Variants in ZBTB49 observed in about 807,000 individuals in gnomAD.
ZBTB49 encodes zinc finger and BTB domain containing 49, also known as zinc finger and BTB domain-containing protein 49.
A neutral mutation model predicts 57.5 loss-of-function variants in ZBTB49; 43 were observed. The ratio of observed to expected loss-of-function variants is 0.75; its 90% CI spans 0.59 to 0.97. The LOEUF (loss-of-function observed/expected upper bound fraction) is 0.97. Ranked by LOEUF, ZBTB49 falls within the 50% of genes least tolerant of loss-of-function variation. The pLI is 0.00. For synonymous variants in ZBTB49, 369 were observed against 362.1 expected (o/e 1.02, Z -0.22); for missense variants, 938 against 947.7 (o/e 0.99, Z 0.13).
chr4:4,316,993 G>A (rs1721218973), intron 7 of ZBTB49, among the ~76,000 whole-genome samples: 1 of 152,220 alleles, frequency 6.6e-6, no homozygotes, highest in Non-Finnish European at 1.5e-5. Context: ...AGCCGAGATT[G>A]CACCACTGCC....
chr4:4,315,583 G>T, intron 5 of ZBTB49, 53 bp from the exon 6 acceptor site: 1 of 1,555,372 alleles, frequency 6.4e-7, no homozygotes, highest in Non-Finnish European at 8.8e-7. Context: ...CAGTTATAAA[G>T]ACCCACAGTA....
At chr4:4,311,158 C>T (rs533669769) in intron 4 of ZBTB49, among the ~76,000 whole-genome samples, 3 of 152,266 alleles carry the variant, frequency 2.0e-5, no homozygotes, top group African/African-American at 7.2e-5. Context: ...TTTTCTACCA[C>T]TTAAAATATT....
At position 4,302,217 on chromosome 4, in the gene ZBTB49, C is replaced by A; in HGVS notation, c.381C>A (p.Gly127=). 6.2e-7 allele frequency: 1 copy of A among 1,614,256 alleles called. No homozygotes were observed. The highest frequency in any genetic ancestry group is 8.5e-7 in the Non-Finnish European group (1 of 1,180,052). ...LKSATVVQPP[G]MPCNSTLSLQ... The stretch of plus-strand genomic sequence containing the variant: ...CAGCCACTGTAGTACAGCCACCTGG[C>A]ATGCCTTGTAATAGTACATTGTCTC... The change falls in exon 3 of 8, where the codon GGC becomes GGA. Residue 127 remains glycine (G), a synonymous_variant. Coordinates refer to ENST00000337872, the MANE Select transcript of ZBTB49 (RefSeq NM_145291.4).
chr4:4,307,026 C>T (rs1355088879), intron 4 of ZBTB49, among the ~76,000 whole-genome samples: 1 of 152,266 alleles, frequency 6.6e-6, no homozygotes, highest in African/African-American at 2.4e-5. Flanking sequence ...CCCCCTAGAG[C>T]AGACTCTTCC....
rs1425476552 is a variant in ZBTB49, at chr4:4,320,885, G to A, written c.1867G>A (p.Val623Met). Residue 623 changes from valine (V) to methionine (M), a missense_variant, in exon 8 of 8, where the codon GTG becomes ATG. By Grantham distance (21) the Val-to-Met change is conservative. Coordinates refer to ENST00000337872, the MANE Select transcript of ZBTB49 (RefSeq NM_145291.4). ...SSDSFSQDTS[V>M]TLMPVSVKLP... Reference sequence around the variant, plus strand: ...AGACTCTTTCTCCCAAGACACGTCTGTGACGCTGATGCCAGTGTCGGTTAA... The same window carrying A: ...AGACTCTTTCTCCCAAGACACGTCTATGACGCTGATGCCAGTGTCGGTTAA... 2 of 1,614,122 alleles carry A rather than the reference G, an allele frequency of 1.2e-6. No individual in the cohort carries two copies. Among genetic ancestry groups the A allele is most frequent in the Non-Finnish European group, 1.7e-6 (2 of 1,180,040 alleles).
chr4:4,300,292 C>T (rs1720419527), intron 2 of ZBTB49, among the ~76,000 whole-genome samples, 195 bp downstream of exon 2: 1 of 152,032 alleles, frequency 6.6e-6, no homozygotes, highest in Non-Finnish European at 1.5e-5. Flanking sequence ...TTAGAGTAAC[C>T]TGAAAAGAAA....
chr4:4,295,620 T>G (rs1282932930), intron 1 of ZBTB49, among the ~76,000 whole-genome samples: 1 of 152,246 alleles, frequency 6.6e-6, no homozygotes, highest in Admixed American at 6.5e-5. Flanking sequence ...GTTACTAGCC[T>G]TGAGGATTCA....
At chr4:4,301,785 A>G (rs1720482962) in intron 2 of ZBTB49, among the ~76,000 whole-genome samples, 1 of 151,316 alleles carries the variant, frequency 6.6e-6, no homozygotes, top group Middle Eastern at 3.2e-3. Context: ...AAGTCTGCAT[A>G]CCCAATCCAC....
intron 5 of ZBTB49, among the ~76,000 whole-genome samples, chr4:4,314,742 G>C (rs1006636249): frequency 6.6e-6 from 1 of 152,228 alleles, no homozygotes; most frequent in African/African-American, 2.4e-5. Flanking sequence ...GCTATCAAGC[G>C]TAGTGGAAAG....
intron 4 of ZBTB49, among the ~76,000 whole-genome samples, chr4:4,308,720 G>T (rs1720850491): frequency 6.6e-6 from 1 of 152,194 alleles, no homozygotes; most frequent in Non-Finnish European, 1.5e-5. Flanking sequence ...GACAGAAATG[G>T]CCATGGCCTC....
intron 2 of ZBTB49, among the ~76,000 whole-genome samples, chr4:4,300,353 T>G (rs1387310433): frequency 6.6e-6 from 1 of 152,214 alleles, no homozygotes; most frequent in East Asian, 1.9e-4. Context: ...ATTTTGGTTG[T>G]TTGTCTTTCA....
Position 4,302,453 on chromosome 4 carries a change from C to T in ZBTB49, c.617C>T (p.Pro206Leu). 1 of 1,614,208 alleles carries T rather than the reference C, an allele frequency of 6.2e-7. No homozygotes were observed. The highest frequency in any genetic ancestry group is 1.3e-5 in the African/African-American group (1 of 75,054). The part of the protein sequence containing the change: ...DTSDGSCTEL[P>L]FKQPNYYYKL... Reference sequence around the variant, plus strand: ...TCAGATGGCAGCTGCACAGAACTGCCTTTCAAACAGCCAAATTACTATTAC... The same window carrying T: ...TCAGATGGCAGCTGCACAGAACTGCTTTTCAAACAGCCAAATTACTATTAC... The change falls in exon 3 of 8, where the codon CCT becomes CTT. Residue 206 changes from proline (P) to leucine (L), a missense_variant. Coordinates refer to ENST00000337872, the MANE Select transcript of ZBTB49 (RefSeq NM_145291.4).
chr4:4,306,491 G>A (rs568775388), intron 4 of ZBTB49, among the ~76,000 whole-genome samples: 1 of 152,298 alleles, frequency 6.6e-6, no homozygotes, highest in African/African-American at 2.4e-5. Flanking sequence ...TGAGCTTGGC[G>A]TACCTGGAGG....
chr4:4,315,786 A>G, intron 6 of ZBTB49, 23 bp from the exon 7 acceptor site: 1 of 1,614,010 alleles, frequency 6.2e-7, no homozygotes, highest in South Asian at 1.1e-5. Flanking sequence ...CCTTCAGCTT[A>G]ACACCTGTTA....
intron 1 of ZBTB49, among the ~76,000 whole-genome samples, chr4:4,292,042 G>A (rs1719963142): frequency 6.6e-6 from 1 of 152,016 alleles, no homozygotes; most frequent in Non-Finnish European, 1.5e-5. Flanking sequence ...GGAGGCTGAG[G>A]CGAGTGGATC....
chr4:4,308,762 C>T (rs1027849375), intron 4 of ZBTB49, among the ~76,000 whole-genome samples: 12 of 152,114 alleles, frequency 7.9e-5, no homozygotes, highest in Admixed American at 3.3e-4. Context: ...AAGCAACAGA[C>T]GTGTAAATGA....
intron 1 of ZBTB49, among the ~76,000 whole-genome samples, chr4:4,297,952 G>A (rs1369715963): frequency 1.3e-5 from 2 of 152,200 alleles, no homozygotes; most frequent in African/African-American, 2.4e-5. Flanking sequence ...GAATGCCTGT[G>A]ATGCGGTTAC....
At chr4:4,294,455 C>G (rs998502227) in intron 1 of ZBTB49, among the ~76,000 whole-genome samples, 11 of 152,290 alleles carry the variant, frequency 7.2e-5, no homozygotes, top group Non-Finnish European at 1.5e-4. Context: ...CTTCTGGGTT[C>G]AAGCGATTCT....
intron 1 of ZBTB49, among the ~76,000 whole-genome samples, chr4:4,298,963 G>A (rs779974833): frequency 3.3e-5 from 5 of 152,188 alleles, no homozygotes; most frequent in African/African-American, 1.2e-4. Flanking sequence ...GCGACCTGGC[G>A]TGTTTTGTTC....
Sources: allele counts gnomAD v4.1 joint callset (sites outside exome capture counted in the v4.1 genomes callset), GRCh38; gene constraint gnomAD v4.1.1; transcripts MANE v1.5; gene names NCBI Gene and HGNC (gene_info 2026-07-23, HGNC 2026-07-21).